Variants in HELZ observed in about 807,000 individuals in gnomAD.
The protein encoded by HELZ is ATP-dependent RNA helicase with zinc finger domain.
Under a neutral mutation model 218.2 loss-of-function variants are expected in HELZ, and 23 were observed. The ratio of observed to expected loss-of-function variants is 0.11; its 90% CI spans 0.08 to 0.15. HELZ has a LOEUF of 0.15. HELZ is among the 10% of genes least tolerant of loss of function. The pLI, the probability that HELZ is intolerant of heterozygous loss-of-function variation, is 1.00. For missense variants in HELZ, 1,813 were observed against 2,353.7 expected (o/e 0.77, Z 4.75); for synonymous variants, 814 against 829.4 (o/e 0.98, Z 0.32).
At chr17:67,079,124 G>A (rs1468870959) in intron 32 of HELZ, among the ~76,000 whole-genome samples, 1 of 152,210 alleles carries the variant, frequency 6.6e-6, no homozygotes, top group African/African-American at 2.4e-5. Flanking sequence ...TAATGTGCCT[G>A]ACTTTCAAGG....
Position 67,075,123 on chromosome 17 carries a change from A to G in HELZ, c.*3129T>C, listed in dbSNP as rs1369580148. The G allele has an allele frequency of 7.9e-5, 12 of 152,204 alleles. No homozygotes were observed. The highest frequency in any genetic ancestry group is 2.9e-4 in the African/African-American group (12 of 41,470). The allele number at this position is 152,204 out of a possible 1,614,324, so 9.4% of individuals were successfully genotyped here. ...GAATGAGGTTCTTCAAATCGTAACAAAAGACCATTTTTAGATCATGAAAAG... is the reference window on the plus strand; with the variant it reads ...GAATGAGGTTCTTCAAATCGTAACAGAAGACCATTTTTAGATCATGAAAAG... On this transcript the variant is annotated 3_prime_UTR_variant, in exon 33 of 33. Transcript: ENST00000358691.
chr17:67,244,735 G>T, intron 1 of HELZ: 1 of 984,810 alleles, frequency 1.0e-6, no homozygotes, highest in South Asian at 4.7e-5. Flanking sequence ...ATCGAGCGGG[G>T]CGTGGGAGGC....
chr17:67,210,584 C>T (rs1368922279), intron 5 of HELZ, among the ~76,000 whole-genome samples: 1 of 152,138 alleles, frequency 6.6e-6, no homozygotes, highest in African/African-American at 2.4e-5. Context: ...GATAAGATTA[C>T]GTTCTTTTGA....
intron 2 of HELZ, among the ~76,000 whole-genome samples, chr17:67,241,360 T>C (rs1228558174): frequency 6.6e-6 from 1 of 152,206 alleles, no homozygotes; most frequent in African/African-American, 2.4e-5. Context: ...ATGGGGCCTG[T>C]ATTTGGATCT....
At chr17:67,140,350 C>A (rs182292054) in intron 21 of HELZ, among the ~76,000 whole-genome samples, 33 of 152,246 alleles carry the variant, frequency 2.2e-4, no homozygotes, top group African/African-American at 7.0e-4. Flanking sequence ...CACAAACTGG[C>A]AAAATTCTGC....
intron 26 of HELZ, among the ~76,000 whole-genome samples, chr17:67,121,279 A>C (rs567212269): frequency 9.9e-5 from 15 of 152,246 alleles, no homozygotes; most frequent in African/African-American, 1.4e-4. Context: ...CTATTATTTT[A>C]TTATAACTGT....
chr17:67,109,716 T>C lies in HELZ; in HGVS notation c.3919-30A>G, dbSNP rs776850474. ...AAAAAAAGAAGAAGCCTTTTTTAAC[T>C]GCAGAAGATTCAAATTCAGTTGCTC... On this transcript the variant is annotated intron_variant, in intron 28 of 32. Transcript: ENST00000358691. 3.3e-6 allele frequency: 5 copies of C among 1,526,624 alleles called. No individual in the cohort carries two copies. In the Admixed American group the frequency reaches 9.1e-5, roughly 28 times the overall value. 94.6% of individuals were successfully genotyped at this position (1,526,624 alleles called of 1,614,324 possible).
chr17:67,138,884 G>T lies in HELZ; in HGVS notation c.2770-770C>A, dbSNP rs1418586640. Among the ~76,000 whole-genome samples, 3 of 152,030 alleles carry T rather than the reference G, an allele frequency of 2.0e-5. No individual in the cohort carries two copies. In the East Asian group the frequency reaches 5.8e-4, roughly 29 times the overall value. ...TTCAATGTCTGGCACAGTGGAGAAG[G>T]TACAAAAGTTAATAAAACATGTTCC... is the stretch of plus-strand genomic sequence containing the variant. On this transcript the variant is annotated intron_variant, in intron 21 of 32. Coordinates refer to ENST00000358691, the MANE Select transcript of HELZ (RefSeq NM_014877.4).
intron 8 of HELZ, among the ~76,000 whole-genome samples, 197 bp downstream of exon 8, chr17:67,195,222 T>C (rs574381591): frequency 6.6e-6 from 1 of 152,316 alleles, no homozygotes; most frequent in East Asian, 1.9e-4. Context: ...CCTACCTCCA[T>C]TACTCCATTA....
At chr17:67,084,674 A>G (rs1188804206) in intron 32 of HELZ, among the ~76,000 whole-genome samples, 1 of 151,828 alleles carries the variant, frequency 6.6e-6, no homozygotes, top group Admixed American at 6.6e-5. Context: ...AAAAAAAAAA[A>G]AAAGAAAGAA....
chr17:67,242,412 CAAA>C (rs57142727), intron 2 of HELZ, among the ~76,000 whole-genome samples: 3 of 92,494 alleles, frequency 3.2e-5, no homozygotes, highest in Admixed American at 2.3e-4. Flanking sequence ...AACTCTGTCT[CAAA>C]AAAAAAAAAA....
chr17:67,104,564 T>G (rs969612452), intron 31 of HELZ, among the ~76,000 whole-genome samples: 7 of 151,864 alleles, frequency 4.6e-5, no homozygotes, highest in Non-Finnish European at 7.4e-5. Context: ...ATAGATAAAT[T>G]GTAGTTTAGC....
At chr17:67,241,249 T>G (rs893720511) in intron 2 of HELZ, among the ~76,000 whole-genome samples, 2 of 152,246 alleles carry the variant, frequency 1.3e-5, no homozygotes, top group African/African-American at 4.8e-5. Context: ...TTATAATTTT[T>G]TAAGTAGTTC....
chr17:67,182,097 T>A (rs1234400151), intron 12 of HELZ, among the ~76,000 whole-genome samples: 2 of 152,208 alleles, frequency 1.3e-5, no homozygotes, highest in Admixed American at 1.3e-4. Flanking sequence ...CAGTGCATCC[T>A]TGGCATGCGT....
At chr17:67,141,981 T>C (rs2038341415) in intron 21 of HELZ, among the ~76,000 whole-genome samples, 1 of 151,722 alleles carries the variant, frequency 6.6e-6, no homozygotes, top group African/African-American at 2.4e-5. Flanking sequence ...GAGGCGAAGG[T>C]TGCAGTGAGC....
At chr17:67,241,622 T>C (rs1056552372) in intron 2 of HELZ, among the ~76,000 whole-genome samples, 1 of 152,206 alleles carries the variant, frequency 6.6e-6, no homozygotes, top group African/African-American at 2.4e-5. Flanking sequence ...TCTATAAATA[T>C]ATACCAACTT....
chr17:67,085,486 C>T (rs2036340380), intron 32 of HELZ, among the ~76,000 whole-genome samples: 1 of 151,802 alleles, frequency 6.6e-6, no homozygotes. Flanking sequence ...CTAAAAGGTA[C>T]CAAAGAATGT....
chr17:67,125,485 A>G (rs997523941), intron 24 of HELZ, among the ~76,000 whole-genome samples: 11 of 151,424 alleles, frequency 7.3e-5, no homozygotes, highest in African/African-American at 2.2e-4. Context: ...ACACACTGAC[A>G]GAAGAAAGGA....
chr17:67,214,726 G>T (rs1241471854), intron 5 of HELZ, among the ~76,000 whole-genome samples: 1 of 152,142 alleles, frequency 6.6e-6, no homozygotes, highest in Non-Finnish European at 1.5e-5. Context: ...AAACGTGTGT[G>T]AGAATGTACA....
Sources: gnomAD v4.1 joint callset for allele counts (sites outside exome capture counted in the v4.1 genomes callset) on GRCh38, gnomAD v4.1.1 for gene constraint, MANE v1.5 for transcripts, NCBI Gene and HGNC (gene_info 2026-07-23, HGNC 2026-07-21) for gene names.